Variants in SLC2A9 observed in about 807,000 individuals in gnomAD.
SLC2A9 encodes the protein solute carrier family 2, facilitated glucose transporter member 9.
Under a neutral mutation model 50.6 loss-of-function variants are expected in SLC2A9, and 39 were observed. The observed-to-expected ratio is 0.77, with a 90% confidence interval of 0.60 to 1.01. The LOEUF (loss-of-function observed/expected upper bound fraction) is 1.01. Among genes scored for constraint, SLC2A9 ranks in the 50% least tolerant of loss-of-function variants. The probability of loss-of-function intolerance (pLI) is 0.00; values close to 1 mark genes in which losing one functional copy is unlikely to be tolerated. For missense variants in SLC2A9, 686 were observed against 677.6 expected (o/e 1.01, Z -0.14); for synonymous variants, 324 against 276.9 (o/e 1.17, Z -1.69).
At chr4:9,858,526 A>C (rs530152060) in intron 10 of SLC2A9, among the ~76,000 whole-genome samples, 2 of 152,168 alleles carry the variant, frequency 1.3e-5, no homozygotes, top group Non-Finnish European at 1.5e-5. Flanking sequence ...GAGTAGAGAC[A>C]CTATGCTGTT....
intron 10 of SLC2A9, among the ~76,000 whole-genome samples, chr4:9,852,007 T>C (rs996862706): frequency 3.3e-5 from 5 of 152,190 alleles, no homozygotes; most frequent in Admixed American, 6.5e-5. Context: ...TTTGAGGATA[T>C]TGTCCATGAA....
At chr4:10,026,019 AAAAG>A (rs1303650950), upstream of SLC2A9, 45 of 1,589,818 alleles carry the variant, frequency 2.8e-5, no homozygotes, top group South Asian at 1.2e-4. Context: ...GAGAAAGAGA[AAAAG>A]AAAGAAGCCA....
rs779967428 is a variant in SLC2A9, at chr4:9,861,052, T to A, written c.1292-26044A>T. On this transcript the variant is annotated intron_variant, in intron 10 of 11. Transcript: ENST00000264784. ...TTTGCATGACTTCTCTTCTGAGCACTTATTGCTACACGTATTAGTCTGTTC... is the reference window on the plus strand; with the variant it reads ...TTTGCATGACTTCTCTTCTGAGCACATATTGCTACACGTATTAGTCTGTTC... Among the ~76,000 whole-genome samples, 3 of 152,294 alleles carry A rather than the reference T, an allele frequency of 2.0e-5. No individual in the cohort carries two copies. The South Asian group carries it at 6.2e-4, about 32-fold the overall frequency.
At chr4:9,958,251 A>G (rs887970732) in intron 5 of SLC2A9, among the ~76,000 whole-genome samples, 1 of 152,246 alleles carries the variant, frequency 6.6e-6, no homozygotes, top group Non-Finnish European at 1.5e-5. Flanking sequence ...TCTTCATTGC[A>G]TGTTTTCTTC....
In SLC2A9 at chr4:9,964,037, G is replaced by A. The variant is rs566072713; in HGVS notation, c.681+16555C>T. On this transcript the variant is annotated intron_variant, in intron 5 of 11. Coordinates refer to ENST00000264784, the MANE Select transcript of SLC2A9 (RefSeq NM_020041.3). Reference sequence around the variant, plus strand: ...GAGCCAGGTCATACGGACCTGGCACGTCACCATCCTGGGAGGTCTAAACCC... The same window carrying A: ...GAGCCAGGTCATACGGACCTGGCACATCACCATCCTGGGAGGTCTAAACCC... Among the ~76,000 whole-genome samples the A allele has an allele frequency of 9.2e-5, 14 of 152,308 alleles. No individual in the cohort carries two copies. In the East Asian group the frequency reaches 2.3e-3, roughly 25 times the overall value.
intron 10 of SLC2A9, among the ~76,000 whole-genome samples, chr4:9,845,574 C>A (rs1314630191): frequency 6.6e-6 from 1 of 150,466 alleles, no homozygotes. Flanking sequence ...GGACTACAGG[C>A]GCCCGCTACC....
chr4:9,941,710 T>A lies in SLC2A9; in HGVS notation c.814+203A>T, dbSNP rs561032585. On this transcript the variant is annotated intron_variant, in intron 6 of 11. Coordinates refer to ENST00000264784, the MANE Select transcript of SLC2A9 (RefSeq NM_020041.3). ...CAGATTCCCTGGGAGACTCCCTGGG[T>A]GACTCTGTGTCCCCTCTCTGTCCCC... 4.6e-5 allele frequency among the ~76,000 whole-genome samples: 7 copies of A among 152,234 alleles called. No homozygotes were observed. The East Asian group carries it at 9.7e-4, about 21-fold the overall frequency.
At chr4:9,960,260 A>G (rs898113627) in intron 5 of SLC2A9, among the ~76,000 whole-genome samples, 1 of 152,248 alleles carries the variant, frequency 6.6e-6, no homozygotes, top group African/African-American at 2.4e-5. Flanking sequence ...AACTGCACAG[A>G]CTGGCACTAA....
At chr4:9,994,408 A>C (rs1339185128) in intron 3 of SLC2A9, among the ~76,000 whole-genome samples, 1 of 152,210 alleles carries the variant, frequency 6.6e-6, no homozygotes, top group Non-Finnish European at 1.5e-5. Flanking sequence ...TTTTACTCTC[A>C]TAATGATGAA....
chr4:9,916,629 C>T (rs1049335273), intron 7 of SLC2A9, among the ~76,000 whole-genome samples: 6 of 152,110 alleles, frequency 3.9e-5, no homozygotes, highest in Non-Finnish European at 8.8e-5. Context: ...TATTATCATC[C>T]CCATTTTTCA....
intron 8 of SLC2A9, 61 bp from the exon 9 acceptor site, chr4:9,890,772 A>C: frequency 2.1e-6 from 3 of 1,456,846 alleles, no homozygotes; most frequent in Non-Finnish European, 2.9e-6. Flanking sequence ...CAACAGGGGA[A>C]TGTGGCACTG....
chr4:9,844,954 T>C (rs1020082866), intron 10 of SLC2A9, among the ~76,000 whole-genome samples: 1 of 152,222 alleles, frequency 6.6e-6, no homozygotes, highest in Non-Finnish European at 1.5e-5. Flanking sequence ...CTACATATTA[T>C]CTTTAGGCCC....
At chr4:9,997,072 T>G in intron 2 of SLC2A9, 131 bp from the exon 3 acceptor site, 3 of 1,044,408 alleles carry the variant, frequency 2.9e-6, no homozygotes, top group Non-Finnish European at 4.4e-6. Context: ...TGTTTGAGCT[T>G]TATCTCATTG....
chr4:9,956,206 G>A (rs78291681), intron 5 of SLC2A9, among the ~76,000 whole-genome samples: 73,262 of 151,474 alleles, frequency 0.48, 19,047 homozygotes, highest in African/African-American at 0.67. Flanking sequence ...ATCATCGGCC[G>A]GGTGCAGTGG....
At chr4:9,940,525 T>C (rs1319403421) in intron 6 of SLC2A9, among the ~76,000 whole-genome samples, 1 of 152,234 alleles carries the variant, frequency 6.6e-6, no homozygotes, top group Admixed American at 6.5e-5. Context: ...GAATTTTGTG[T>C]ATATGGTTAC....
intron 5 of SLC2A9, among the ~76,000 whole-genome samples, chr4:9,949,653 CT>C (rs2108831596): frequency 6.6e-6 from 1 of 152,288 alleles, no homozygotes; most frequent in African/African-American, 2.4e-5. Flanking sequence ...GAGCAAAGCA[CT>C]GCTGCCTTGC....
rs114047413 is a variant in SLC2A9, at chr4:9,889,901, G to A, written c.1215+709C>T. ...GCCACCTTTTGGTGGTGTAACCTTG[G>A]GAAGCTTATTTATTTATATTTATCC... On this transcript the variant is annotated intron_variant, in intron 9 of 11. Transcript: ENST00000264784. Among the ~76,000 whole-genome samples, 335 of 152,156 alleles carry A rather than the reference G, an allele frequency of 2.2e-3. 1 individual carries two copies. The highest frequency in any genetic ancestry group is 3.9e-3 in the Non-Finnish European group (266 of 67,998).
chr4:9,976,215 G>C (rs766927790), intron 5 of SLC2A9, among the ~76,000 whole-genome samples: 1 of 152,174 alleles, frequency 6.6e-6, no homozygotes, highest in Non-Finnish European at 1.5e-5. Context: ...ATATACCCAG[G>C]AAATAAGTAC....
At chr4:9,935,713 T>A (rs954645495) in intron 6 of SLC2A9, among the ~76,000 whole-genome samples, 2 of 152,222 alleles carry the variant, frequency 1.3e-5, no homozygotes, top group African/African-American at 4.8e-5. Flanking sequence ...ATGCTGCATG[T>A]TGTTTTAGGA....
Sources: gnomAD v4.1 joint callset for allele counts (sites outside exome capture counted in the v4.1 genomes callset) on GRCh38, gnomAD v4.1.1 for gene constraint, MANE v1.5 for transcripts, NCBI Gene and HGNC (gene_info 2026-07-23, HGNC 2026-07-21) for gene names.